Variants in TMPRSS15 observed in about 807,000 individuals in gnomAD.
The protein encoded by TMPRSS15 is transmembrane serine protease 15, also known as enteropeptidase.
A neutral mutation model predicts 125.3 loss-of-function variants in TMPRSS15; 128 were observed. The observed-to-expected ratio is 1.02, with a 90% CI of 0.89 to 1.18. The LOEUF (loss-of-function observed/expected upper bound fraction) is 1.18, where lower values mean the gene tolerates loss of function less well. TMPRSS15 is among the 50% of genes most tolerant of loss of function. The pLI, the probability that TMPRSS15 is intolerant of heterozygous loss-of-function variation, is 0.00. For synonymous variants in TMPRSS15, 446 were observed against 423.2 expected (o/e 1.05, Z -0.66); for missense variants, 1,283 against 1,212.7 (o/e 1.06, Z -0.86).
chr21:18,479,563 T>A (rs1026925375), intron 1 of TMPRSS15, among the ~76,000 whole-genome samples: 8 of 151,670 alleles, frequency 5.3e-5, no homozygotes, highest in African/African-American at 1.9e-4. Context: ...AACAACCCCA[T>A]CAGAAAGTGG....
At chr21:18,369,012 C>T (rs1324415648) in intron 6 of TMPRSS15, among the ~76,000 whole-genome samples, 1 of 151,874 alleles carries the variant, frequency 6.6e-6, no homozygotes, top group African/African-American at 2.4e-5. Flanking sequence ...ATATATGACC[C>T]AGTTGTGGAT....
intron 10 of TMPRSS15, among the ~76,000 whole-genome samples, chr21:18,351,768 G>A (rs1439130833): frequency 6.6e-6 from 1 of 152,182 alleles, no homozygotes; most frequent in East Asian, 1.9e-4. Flanking sequence ...AAAGAGACTA[G>A]GTTTTTGTTC....
intron 3 of TMPRSS15, among the ~76,000 whole-genome samples, chr21:18,391,196 A>G (rs1255836207): frequency 6.6e-6 from 1 of 152,164 alleles, no homozygotes; most frequent in Non-Finnish European, 1.5e-5. Context: ...TCAGAACACA[A>G]TCATGCCTTC....
chr21:18,297,188 T>A (rs574518212), intron 19 of TMPRSS15, among the ~76,000 whole-genome samples: 4 of 152,120 alleles, frequency 2.6e-5, no homozygotes, highest in Non-Finnish European at 5.9e-5. Context: ...TTTAATACCT[T>A]AGTAAAGGCT....
intron 14 of TMPRSS15, among the ~76,000 whole-genome samples, chr21:18,330,412 A>G (rs1432092673): frequency 6.6e-6 from 1 of 152,204 alleles, no homozygotes; most frequent in East Asian, 1.9e-4. Flanking sequence ...TTCAAACTTC[A>G]TAACATGGTG....
chr21:18,380,060 T>C (rs984140770), intron 4 of TMPRSS15, among the ~76,000 whole-genome samples: 1 of 151,846 alleles, frequency 6.6e-6, no homozygotes, highest in Non-Finnish European at 1.5e-5. Flanking sequence ...CTTTCCAAAG[T>C]GAAATATATT....
In TMPRSS15 at chr21:18,397,872, T is replaced by C. The variant is rs771830295; in HGVS notation, c.344+7A>G. On this transcript the variant is annotated splice_region_variant and intron_variant, in intron 3 of 24. Coordinates refer to ENST00000284885, the MANE Select transcript of TMPRSS15 (RefSeq NM_002772.3). ...CCATCAGTAGAAAATTTTTGAGCTA[T>C]ACTCACTCAAATTGTAAAACTCTTG... 14 of 1,518,842 alleles carry C rather than the reference T, an allele frequency of 9.2e-6. No homozygotes were observed. Among genetic ancestry groups the C allele is most frequent in the Admixed American group, 9.1e-5 (5 of 54,894 alleles). The allele number at this position is 1,518,842 out of a possible 1,614,324, so 94.1% of individuals were successfully genotyped here. A position where few individuals can be genotyped will look rare whatever the true frequency, so the allele number is the denominator to read the frequency against.
chr21:18,360,988 A>C (rs2075674826), intron 7 of TMPRSS15, among the ~76,000 whole-genome samples: 1 of 152,058 alleles, frequency 6.6e-6, no homozygotes, highest in Non-Finnish European at 1.5e-5. Flanking sequence ...TTCCTAACAG[A>C]ATTTATATGA....
intron 16 of TMPRSS15, among the ~76,000 whole-genome samples, chr21:18,318,301 A>G (rs1188565278): frequency 6.6e-6 from 1 of 152,224 alleles, no homozygotes; most frequent in African/African-American, 2.4e-5. Flanking sequence ...ATAGTGCAAT[A>G]TTCCAGGGCT....
chr21:18,366,041 C>A (rs1401676999), intron 6 of TMPRSS15, among the ~76,000 whole-genome samples: 2 of 152,076 alleles, frequency 1.3e-5, no homozygotes, highest in Non-Finnish European at 1.5e-5. Flanking sequence ...TGCCCAAAAG[C>A]ATTGTCTTTC....
chr21:18,380,987 T>A (rs1258478333), intron 4 of TMPRSS15, among the ~76,000 whole-genome samples: 1 of 152,128 alleles, frequency 6.6e-6, no homozygotes, highest in African/African-American at 2.4e-5. Context: ...TTTCACATAA[T>A]GAATATTTCC....
chr21:18,433,663 C>CAAAAAAAAAAAAAAAAAA (rs58432155), intron 1 of TMPRSS15, among the ~76,000 whole-genome samples: 3 of 62,406 alleles, frequency 4.8e-5, no homozygotes, highest in African/African-American at 1.9e-4. Flanking sequence ...GACCTTGTCT[C>CAAAAAAAAAAAAAAAAAA]AAAAAAAAAA....
chr21:18,302,012 C>T (rs994967938), intron 18 of TMPRSS15, among the ~76,000 whole-genome samples: 1 of 152,166 alleles, frequency 6.6e-6, no homozygotes, highest in South Asian at 2.1e-4. Context: ...CTGTTCTTAG[C>T]CCCTGACTAG....
chr21:18,328,563 T>C (rs916472682), intron 15 of TMPRSS15, among the ~76,000 whole-genome samples: 3 of 152,188 alleles, frequency 2.0e-5, no homozygotes, highest in African/African-American at 7.2e-5. Context: ...GACTCAAAAA[T>C]ATTGTCCAAA....
At chr21:18,449,911 TG>T (rs2076264036) in intron 1 of TMPRSS15, among the ~76,000 whole-genome samples, 1 of 150,144 alleles carries the variant, frequency 6.7e-6, no homozygotes, top group Non-Finnish European at 1.5e-5. Context: ...CTATATAAAA[TG>T]GAAGAATAGC....
chr21:18,325,465 T>C (rs1179120855), intron 16 of TMPRSS15, among the ~76,000 whole-genome samples: 2 of 152,040 alleles, frequency 1.3e-5, no homozygotes, highest in Non-Finnish European at 2.9e-5. Context: ...CCCTGGTCAG[T>C]TGTGAGTGGA....
chr21:18,324,419 G>GT (rs1473105442), intron 16 of TMPRSS15, among the ~76,000 whole-genome samples: 7 of 152,032 alleles, frequency 4.6e-5, no homozygotes, highest in African/African-American at 1.2e-4. Context: ...AAACTAGGTG[G>GT]TTCACACTGC....
At chr21:18,379,420 A>G in intron 4 of TMPRSS15, 102 bp from the exon 5 acceptor site, 1 of 477,190 alleles carries the variant, frequency 2.1e-6, no homozygotes, top group Non-Finnish European at 3.5e-6. Context: ...TAAGAATTTT[A>G]AAAGTTATTA....
chr21:18,470,178 T>C (rs1978748166), intron 1 of TMPRSS15, among the ~76,000 whole-genome samples: 1 of 152,074 alleles, frequency 6.6e-6, no homozygotes, highest in African/African-American at 2.4e-5. Flanking sequence ...AAGGTGTTAC[T>C]AAGGCCTTGA....
Sources: allele counts gnomAD v4.1 joint callset (sites outside exome capture counted in the v4.1 genomes callset), GRCh38; gene constraint gnomAD v4.1.1; transcripts MANE v1.5; gene names NCBI Gene and HGNC (gene_info 2026-07-23, HGNC 2026-07-21).